PFDN2: variants seen among roughly 807,000 people sequenced by gnomAD.
PFDN2 encodes prefoldin 2.
Under a neutral mutation model 18.3 loss-of-function variants are expected in PFDN2, and 7 were observed. The ratio of observed to expected loss-of-function variants is 0.38; its 90% CI spans 0.22 to 0.72. PFDN2 has a LOEUF of 0.72. Ranked by LOEUF, PFDN2 falls within the 30% of genes least tolerant of loss-of-function variation. The pLI, the probability that PFDN2 is intolerant of heterozygous loss-of-function variation, is 0.47. For missense variants in PFDN2, 181 were observed against 199.1 expected (o/e 0.91, Z 0.55); for synonymous variants, 76 against 75.0 (o/e 1.01, Z -0.07).
At chr1:161,102,708 C>G (rs866797937) in intron 1 of PFDN2, among the ~76,000 whole-genome samples, 3 of 151,932 alleles carry the variant, frequency 2.0e-5, no homozygotes, top group Non-Finnish European at 4.4e-5. Flanking sequence ...ACCTGTAATC[C>G]CAGCACTTTG....
rs530213094 is a variant in PFDN2 at position 161,117,946 on chromosome 1, C to T, written c.75+6G>A. ...GGTACCCTGCTTCGCGTTAGCCACT[C>T]CTCACCTGCTCTGCGGACACCGCCC... On this transcript the variant is annotated splice_donor_region_variant and intron_variant, in intron 1 of 3. Transcript: ENST00000368010. The T allele has an allele frequency of 6.2e-7, 1 of 1,610,088 alleles. No homozygotes were observed. Among genetic ancestry groups the T allele is most frequent in the Non-Finnish European group, 8.5e-7 (1 of 1,177,860 alleles).
chr1:161,108,041 G>A (rs545251903), intron 1 of PFDN2, among the ~76,000 whole-genome samples: 51 of 151,372 alleles, frequency 3.4e-4, no homozygotes, highest in Admixed American at 6.6e-4. Context: ...CTTGAACCCA[G>A]GAGGCAGACG....
intron 1 of PFDN2, among the ~76,000 whole-genome samples, chr1:161,103,970 C>T (rs1654631301): frequency 6.6e-6 from 1 of 152,070 alleles, no homozygotes; most frequent in Non-Finnish European, 1.5e-5. Flanking sequence ...GTTAGAATCA[C>T]CTGAATCATT....
chr1:161,102,498 G>T (rs1379225580), intron 1 of PFDN2, 123 bp from the exon 2 acceptor site: 4 of 676,084 alleles, frequency 5.9e-6, no homozygotes, highest in Non-Finnish European at 7.6e-6. Context: ...AAAAGGAGTA[G>T]AACCACAAGT....
intron 3 of PFDN2, among the ~76,000 whole-genome samples, 155 bp from the exon 4 acceptor site, chr1:161,101,014 G>A (rs1343070026): frequency 2.6e-5 from 4 of 152,052 alleles, no homozygotes; most frequent in African/African-American, 9.7e-5. Flanking sequence ...CTTGAACACA[G>A]TGGTTTATAC....
rs527430460 is a variant in PFDN2, at chr1:161,100,821, C to G, written c.327G>C (p.Gln109His). The change falls in exon 4 of 4, where the codon CAG becomes CAC. Residue 109 changes from glutamine to histidine, a missense_variant. Physicochemically the swap from Gln to His is conservative, Grantham distance 24. Coordinates refer to ENST00000368010, the MANE Select transcript of PFDN2 (RefSeq NM_012394.4). ...KIIETLTQQL[Q>H]AKGKELNEFR... is the part of the protein sequence containing the mutation. ...ATTCATTTAGTTCTTTTCCCTTTGC[C>G]TGAAGCTGCTGTGTCAGTGTCTCAA... 1 of 1,613,906 alleles carries G rather than the reference C, an allele frequency of 6.2e-7. No individual in the cohort carries two copies. Among genetic ancestry groups the G allele is most frequent in the East Asian group, 2.2e-5 (1 of 44,884 alleles).
intron 1 of PFDN2, among the ~76,000 whole-genome samples, chr1:161,115,534 G>C (rs1342752856): frequency 2.0e-5 from 3 of 152,146 alleles, no homozygotes; most frequent in Non-Finnish European, 2.9e-5. Context: ...AATGATCTGA[G>C]ATCACCTAAA....
chr1:161,117,899 G>A (rs550859311), intron 1 of PFDN2, 53 bp downstream of exon 1: 999 of 1,456,988 alleles, frequency 6.9e-4, no homozygotes, highest in Non-Finnish European at 7.1e-4. Context: ...CCCCCTTCTC[G>A]CTAGTATTCC....
At chr1:161,116,295 C>T (rs1306307973) in intron 1 of PFDN2, among the ~76,000 whole-genome samples, 2 of 152,138 alleles carry the variant, frequency 1.3e-5, no homozygotes, top group African/African-American at 2.4e-5. Flanking sequence ...GCAGGCGGAT[C>T]ACTTGAGGTC....
chr1:161,117,893 C>T (rs896796926), intron 1 of PFDN2, 59 bp downstream of exon 1: 3 of 1,428,068 alleles, frequency 2.1e-6, no homozygotes, highest in Admixed American at 3.9e-5. Context: ...CAGGCTCCCC[C>T]TTCTCGCTAG....
intron 1 of PFDN2, among the ~76,000 whole-genome samples, chr1:161,114,722 ATAAATAG>A (rs1654871540): frequency 6.6e-6 from 1 of 152,188 alleles, no homozygotes; most frequent in Non-Finnish European, 1.5e-5. Context: ...GAGGTCATAT[ATAAATAG>A]TAAATAGTAG....
rs376575550 is a variant in PFDN2, at chr1:161,102,214, C to T, written c.165-43G>A. On this transcript the variant is annotated intron_variant, in intron 2 of 3. Transcript: ENST00000368010. ...GGCAGGACCTGAGGATTCAGCCCCA[C>T]TCTACTACAAATCCCCCTCACGGAG... The T allele has an allele frequency of 1.3e-4, 212 of 1,613,888 alleles. No individual in the cohort carries two copies. The African/African-American group carries it at 2.7e-3, about 20-fold the overall frequency.
rs1461972382 is a variant in PFDN2 at position 161,117,336 on chromosome 1, C to T, written c.75+616G>A. On this transcript the variant is annotated intron_variant, in intron 1 of 3. Transcript: ENST00000368010. ...TTTTTCCACTTAGCAAAACACGGTT[C>T]CCAAGCCACAAAGGGTTTTCTAATT... 2.0e-5 allele frequency among the ~76,000 whole-genome samples: 3 copies of T among 152,208 alleles called. No homozygotes were observed. In the East Asian group the frequency reaches 5.8e-4, roughly 29 times the overall value.
At chr1:161,105,871 T>C (rs1557962995) in intron 1 of PFDN2, among the ~76,000 whole-genome samples, 1 of 152,198 alleles carries the variant, frequency 6.6e-6, no homozygotes, top group Admixed American at 6.5e-5. Flanking sequence ...TACTTAAACA[T>C]GTTGAGTTAT....
At chr1:161,109,406 C>A (rs1272442665) in intron 1 of PFDN2, among the ~76,000 whole-genome samples, 1 of 152,148 alleles carries the variant, frequency 6.6e-6, no homozygotes, top group Non-Finnish European at 1.5e-5. Flanking sequence ...TTGACAAAAT[C>A]TTTTCTATTT....
At chr1:161,102,436 G>T in intron 1 of PFDN2, 61 bp from the exon 2 acceptor site, 1 of 1,299,372 alleles carries the variant, frequency 7.7e-7, no homozygotes, top group Non-Finnish European at 1.1e-6. Context: ...GGTCCAGATA[G>T]CACATAGGGT....
At chr1:161,109,300 C>A (rs566216599) in intron 1 of PFDN2, among the ~76,000 whole-genome samples, 108 of 152,186 alleles carry the variant, frequency 7.1e-4, no homozygotes, top group Non-Finnish European at 1.2e-3. Flanking sequence ...AACTTAGATT[C>A]TTCTGGGAAG....
At chr1:161,108,386 C>A (rs10218497) in intron 1 of PFDN2, among the ~76,000 whole-genome samples, 54,103 of 149,612 alleles carry the variant, frequency 0.36, 9,990 homozygotes, top group East Asian at 0.44. Flanking sequence ...TGAACCTGGG[C>A]GACAGAGGTT....
chr1:161,111,732 G>A (rs1305589698), intron 1 of PFDN2, among the ~76,000 whole-genome samples: 7 of 152,056 alleles, frequency 4.6e-5, no homozygotes, highest in Non-Finnish European at 8.8e-5. Flanking sequence ...TCTCCTTTCT[G>A]AAAGTTCTTC....
Sources: allele counts gnomAD v4.1 joint callset (sites outside exome capture counted in the v4.1 genomes callset), GRCh38; gene constraint gnomAD v4.1.1; transcripts MANE v1.5; gene names NCBI Gene and HGNC (gene_info 2026-07-23, HGNC 2026-07-21).